LCOR: variants seen among roughly 807,000 people sequenced by gnomAD.
LCOR encodes the protein ligand dependent nuclear receptor corepressor.
LCOR carries 14 observed loss-of-function variants against 64.4 expected under a neutral mutation model. The ratio of observed to expected loss-of-function variants is 0.22; its 90% CI spans 0.14 to 0.34. LCOR has a LOEUF of 0.34. Ranked by LOEUF, LCOR falls within the 10% of genes least tolerant of loss-of-function variation. The pLI is 1.00. For synonymous variants in LCOR, 643 were observed against 642.5 expected, an observed-to-expected ratio of 1.00 and a Z score of -0.01; for missense variants, 1,686 against 1,765.3, an observed-to-expected ratio of 0.96 and a Z score of 0.80.
At chr10:96,941,349 A>T (rs1456764512) in intron 4 of LCOR, among the ~76,000 whole-genome samples, 3 of 125,002 alleles carry the variant, frequency 2.4e-5, no homozygotes, top group African/African-American at 6.4e-5. Flanking sequence ...CTCACTTCCC[A>T]GTAGGGGCGG....
chr10:96,952,176 C>G lies in LCOR; in HGVS notation c.312C>G (p.Cys104Trp). Residue 104 changes from cysteine (C) to tryptophan (W), a missense_variant, in exon 7 of 8, where the codon TGC becomes TGG. Coordinates refer to ENST00000421806, the MANE Select transcript of LCOR (RefSeq NM_001346516.2). ...GSTSLSHSPGCSSTQGNGENS... is the reference protein window; with the variant it reads ...GSTSLSHSPGWSSTQGNGENS... ...CTTCCCTGAGCCACTCTCCAGGCTG[C>G]TCCAGTACTCAAGGGAACGGGTAAG... 6.2e-7 allele frequency: 1 copy of G among 1,613,474 alleles called. No individual in the cohort carries two copies. Among genetic ancestry groups the G allele is most frequent in the Middle Eastern group, 1.7e-4 (1 of 6,060 alleles).
chr10:96,904,611 A>G (rs147802069), intron 2 of LCOR, among the ~76,000 whole-genome samples: 28 of 152,350 alleles, frequency 1.8e-4, no homozygotes, highest in Non-Finnish European at 3.7e-4. Context: ...GTCAACTTCG[A>G]TAAAATAAAT....
At chr10:96,928,195 A>G (rs1437002481) in intron 4 of LCOR, among the ~76,000 whole-genome samples, 1 of 152,206 alleles carries the variant, frequency 6.6e-6, no homozygotes, top group African/African-American at 2.4e-5. Context: ...TCTCTGTAGC[A>G]TGTGAGGCTG....
At chr10:96,965,245 G>A (rs971184227) in intron 7 of LCOR, among the ~76,000 whole-genome samples, 1 of 151,412 alleles carries the variant, frequency 6.6e-6, no homozygotes, top group Non-Finnish European at 1.5e-5. Flanking sequence ...GCCTGACCTC[G>A]TGATACACCT....
At position 96,981,144 on chromosome 10, in the gene LCOR, T is replaced by C; in HGVS notation, c.684T>C (p.Pro228=). Residue 228 remains proline, a synonymous_variant, in exon 8 of 8, where the codon CCT becomes CCC. Coordinates refer to ENST00000421806, the MANE Select transcript of LCOR (RefSeq NM_001346516.2). ...LTEQTPKKPP[P]EINPVDGREN... ...AACAGACCCCGAAGAAGCCTCCTCCTGAGATAAACCCTGTAGATGGAAGAG... is the reference window on the plus strand; with the variant it reads ...AACAGACCCCGAAGAAGCCTCCTCCCGAGATAAACCCTGTAGATGGAAGAG... 1.4e-6 allele frequency: 1 copy of C among 708,122 alleles called. No individual in the cohort carries two copies. The highest frequency in any genetic ancestry group is 2.6e-6 in the Non-Finnish European group (1 of 389,650). The allele number at this position is 708,122 out of a possible 1,614,324, so 43.9% of individuals were successfully genotyped here.
At chr10:96,920,603 TATTCATATATGTGTATATATGTATGTAC>T (rs1564626253) in intron 4 of LCOR, among the ~76,000 whole-genome samples, 2 of 146,872 alleles carry the variant, frequency 1.4e-5, no homozygotes, top group African/African-American at 2.5e-5. Flanking sequence ...TATGTATGTA[TATTCATATATGTGTATATATGTATGTAC>T]ATTCATATAT....
intron 4 of LCOR, among the ~76,000 whole-genome samples, chr10:96,928,640 C>G (rs960332336): frequency 2.0e-5 from 3 of 152,108 alleles, no homozygotes; most frequent in African/African-American, 7.2e-5. Flanking sequence ...ATATTTTGTT[C>G]TTCTCTCTTG....
chr10:96,917,751 T>G (rs1196712510), intron 4 of LCOR, among the ~76,000 whole-genome samples: 1 of 152,182 alleles, frequency 6.6e-6, no homozygotes, highest in Non-Finnish European at 1.5e-5. Flanking sequence ...GGAAGAGATG[T>G]GCGTAGAGAA....
chr10:96,847,761 T>C (rs1390325743), intron 2 of LCOR, among the ~76,000 whole-genome samples: 4 of 152,284 alleles, frequency 2.6e-5, no homozygotes, highest in South Asian at 4.1e-4. Flanking sequence ...GTACTAAAAC[T>C]ATTAAAAAGA....
chr10:96,942,541 T>G (rs9420702), intron 4 of LCOR, among the ~76,000 whole-genome samples: 1,595 of 152,336 alleles, frequency 0.01, 26 homozygotes, highest in African/African-American at 0.036. Context: ...TATAGCAAAC[T>G]TACTGTGCCT....
At chr10:96,866,681 TCTC>T (rs1845979699) in intron 2 of LCOR, among the ~76,000 whole-genome samples, 1 of 152,052 alleles carries the variant, frequency 6.6e-6, no homozygotes, top group Non-Finnish European at 1.5e-5. Flanking sequence ...TTCAAGCAAT[TCTC>T]CTGCCTCAGC....
At chr10:96,861,580 C>CT (rs1845888838) in intron 2 of LCOR, among the ~76,000 whole-genome samples, 1 of 152,040 alleles carries the variant, frequency 6.6e-6, no homozygotes, top group African/African-American at 2.4e-5. Context: ...GTGTCTCACT[C>CT]TGTCACCCAG....
In LCOR at chr10:96,993,277, G is replaced by A. The variant is rs900962113; in HGVS notation, c.*8143G>A. On this transcript the variant is annotated 3_prime_UTR_variant, in exon 8 of 8. Coordinates refer to ENST00000421806, the MANE Select transcript of LCOR (RefSeq NM_001346516.2). ...AACCATAATTTGCATATTTTCTTAC[G>A]GCCTCCCTTTGTCTTTTCTAAACAA... The A allele has an allele frequency of 2.0e-5, 3 of 152,058 alleles. No individual in the cohort carries two copies. Among genetic ancestry groups the A allele is most frequent in the Non-Finnish European group, 2.9e-5 (2 of 68,022 alleles). The allele number at this position is 152,058 out of a possible 1,614,324, so 9.4% of individuals were successfully genotyped here.
In LCOR at chr10:96,832,406, C is replaced by G; in HGVS notation, c.-404+7C>G. On this transcript the variant is annotated splice_region_variant and intron_variant, in intron 1 of 7. Transcript: ENST00000421806. The stretch of plus-strand genomic sequence containing the variant: ...AAGCTCATTCACTGTGTAGGTGAGA[C>G]CCTCCGCCGACCGCCGCCGCCCCTC... 1 of 979,196 alleles carries G rather than the reference C, an allele frequency of 1.0e-6. No individual in the cohort carries two copies. Among genetic ancestry groups the G allele is most frequent in the African/African-American group, 1.8e-5 (1 of 57,094 alleles). The allele number at this position is 979,196 out of a possible 1,614,324, so 60.7% of individuals were successfully genotyped here. A position where few individuals can be genotyped will look rare whatever the true frequency, so the allele number is the denominator to read the frequency against.
intron 2 of LCOR, among the ~76,000 whole-genome samples, chr10:96,858,672 C>T (rs1013094065): frequency 5.3e-5 from 8 of 152,088 alleles, no homozygotes; most frequent in African/African-American, 1.7e-4. Context: ...TGTGGAGTGT[C>T]ATTAGGGAGG....
intron 2 of LCOR, among the ~76,000 whole-genome samples, chr10:96,879,548 G>A (rs760896296): frequency 6.6e-6 from 1 of 152,196 alleles, no homozygotes; most frequent in African/African-American, 2.4e-5. Context: ...TGGTAGAAGA[G>A]TCGTAGAAAT....
At chr10:96,888,250 A>G (rs1374870348) in intron 2 of LCOR, among the ~76,000 whole-genome samples, 1 of 149,552 alleles carries the variant, frequency 6.7e-6, no homozygotes, top group East Asian at 2.1e-4. Context: ...CTGTAATCCC[A>G]GCTACTCAGG....
chr10:96,984,679 C>T lies in LCOR; in HGVS notation c.4219C>T (p.Pro1407Ser), dbSNP rs1257451285. The T allele has an allele frequency of 1.2e-6, 2 of 1,614,070 alleles. No homozygotes were observed. Among genetic ancestry groups the T allele is most frequent in the Non-Finnish European group, 8.5e-7 (1 of 1,180,024 alleles). ...ACGCAAGAGAACAGAAGGCAGCAGCCCTCCAGATAGTAAGAACAAGGGGCC... is the reference window on the plus strand; with the variant it reads ...ACGCAAGAGAACAGAAGGCAGCAGCTCTCCAGATAGTAAGAACAAGGGGCC... ...SKRKRTEGSS[P>S]PDSKNKGPTV... The change falls in exon 8 of 8, where the codon CCT becomes TCT. Residue 1407 changes from proline (P) to serine (S), a missense_variant. This residue lies in a region of LCOR where 1,293 missense variants were observed against 1,410.4 expected (regional missense o/e 0.92). Transcript: ENST00000421806.
At chr10:96,978,405 A>T (rs1848055452) in intron 7 of LCOR, among the ~76,000 whole-genome samples, 1 of 152,204 alleles carries the variant, frequency 6.6e-6, no homozygotes, top group African/African-American at 2.4e-5. Flanking sequence ...AAAAGTACTC[A>T]ATAGGTTTTT....
Sources: allele counts gnomAD v4.1 joint callset (sites outside exome capture counted in the v4.1 genomes callset), GRCh38; gene constraint gnomAD v4.1.1; regional missense constraint gnomAD v4.1.1; transcripts MANE v1.5; gene names NCBI Gene and HGNC (gene_info 2026-07-23, HGNC 2026-07-21).